The following WDR26 variants were observed in gnomAD, a reference collection of about 807,000 sequenced individuals.
WDR26 encodes WD repeat-containing protein 26.
WDR26 carries 5 observed loss-of-function variants against 84.1 expected under a neutral mutation model. The ratio of observed to expected loss-of-function variants is 0.06; its 90% CI spans 0.03 to 0.13. WDR26 has a LOEUF of 0.13. Ranked by LOEUF, WDR26 falls within the 10% of genes least tolerant of loss-of-function variation. WDR26 has a pLI of 1.00. For missense variants in WDR26, 642 were observed against 974.9 expected, an observed-to-expected ratio of 0.66 and a Z score of 4.55; for synonymous variants, 415 against 389.6, an observed-to-expected ratio of 1.07 and a Z score of -0.77.
At chr1:224,419,065 C>T (rs770640139) in intron 5 of WDR26, among the ~76,000 whole-genome samples, 5 of 152,152 alleles carry the variant, frequency 3.3e-5, no homozygotes, top group Non-Finnish European at 5.9e-5. Context: ...TCAGAGAGAA[C>T]ATCTTTTACA....
chr1:224,416,511 C>T (rs1299482083), intron 6 of WDR26, among the ~76,000 whole-genome samples: 1 of 152,224 alleles, frequency 6.6e-6, no homozygotes, highest in Non-Finnish European at 1.5e-5. Context: ...CAGGCGTGAG[C>T]CACCACACCC....
intron 12 of WDR26, among the ~76,000 whole-genome samples, chr1:224,397,393 G>C (rs1420486889): frequency 6.6e-6 from 1 of 152,208 alleles, no homozygotes; most frequent in African/African-American, 2.4e-5. Context: ...TTTGCCACTA[G>C]TTAAGTTCCT....
intron 9 of WDR26, 100 bp from the exon 10 acceptor site, chr1:224,399,134 G>GA: frequency 1.1e-6 from 1 of 939,922 alleles, no homozygotes; most frequent in African/African-American, 1.8e-5. Context: ...TTAGTAACAG[G>GA]TTTTTTTTTT....
chr1:224,416,243 T>TC (rs1464488107), intron 6 of WDR26, among the ~76,000 whole-genome samples: 48 of 152,086 alleles, frequency 3.2e-4, no homozygotes, highest in Non-Finnish European at 2.9e-5. Flanking sequence ...TTTTTTTTTT[T>TC]CTGAGATGAA....
intron 6 of WDR26, among the ~76,000 whole-genome samples, chr1:224,414,542 G>T (rs904757439): frequency 6.6e-6 from 1 of 151,856 alleles, no homozygotes; most frequent in Non-Finnish European, 1.5e-5. Context: ...GAAAAAAGCG[G>T]GTATTTAATT....
rs1673192001 is a variant in WDR26, at chr1:224,393,967, C to T, written c.2121G>A (p.Ala707=). 5.8e-6 allele frequency: 9 copies of T among 1,545,860 alleles called. No individual in the cohort carries two copies. The highest frequency in any genetic ancestry group is 1.2e-5 in the South Asian group (1 of 84,398). The change falls in exon 13 of 14, where the codon GCG becomes GCA. Residue 707 remains alanine (A), a synonymous_variant. Coordinates refer to ENST00000414423, the MANE Select transcript of WDR26 (RefSeq NM_001379403.1). ...CTGTACGTGTGTGCCCTGTCAGCTCCGCAATTGGCAGTTCACTACGTTTGT... is the reference window on the plus strand; with the variant it reads ...CTGTACGTGTGTGCCCTGTCAGCTCTGCAATTGGCAGTTCACTACGTTTGT...
intron 12 of WDR26, chr1:224,397,847 G>A (rs960181352): frequency 1.1e-5 from 5 of 448,566 alleles, no homozygotes; most frequent in East Asian, 9.4e-5. Context: ...CTGCTAATCC[G>A]TGACAATACA....
At chr1:224,428,838 A>G (rs1258683048) in intron 3 of WDR26, among the ~76,000 whole-genome samples, 2 of 151,566 alleles carry the variant, frequency 1.3e-5, no homozygotes, top group African/African-American at 4.9e-5. Flanking sequence ...CCCCGGAGGC[A>G]GAGGTCGCAG....
At chr1:224,424,714 T>A in intron 3 of WDR26, 60 bp from the exon 4 acceptor site, 1 of 1,610,830 alleles carries the variant, frequency 6.2e-7, no homozygotes, top group Non-Finnish European at 8.5e-7. Flanking sequence ...CAGAAAATGT[T>A]TGTGCCTAAA....
intron 1 of WDR26, among the ~76,000 whole-genome samples, chr1:224,432,979 T>C (rs937384771): frequency 6.6e-6 from 1 of 152,230 alleles, no homozygotes; most frequent in African/African-American, 2.4e-5. Flanking sequence ...CCAGATCAGA[T>C]GTCCCCTTTT....
intron 4 of WDR26, among the ~76,000 whole-genome samples, chr1:224,423,706 C>G (rs996419120): frequency 2.6e-5 from 4 of 152,152 alleles, no homozygotes; most frequent in Non-Finnish European, 5.9e-5. Flanking sequence ...TATGATTGTG[C>G]CACTGCACAC....
intron 3 of WDR26, among the ~76,000 whole-genome samples, chr1:224,427,218 G>C (rs774977979): frequency 6.6e-6 from 1 of 151,138 alleles, no homozygotes; most frequent in Non-Finnish European, 1.5e-5. Context: ...ACATGGAACT[G>C]GCCAGAGCAT....
chr1:224,395,731 A>G (rs770944810), intron 12 of WDR26, among the ~76,000 whole-genome samples: 9 of 152,324 alleles, frequency 5.9e-5, no homozygotes, highest in South Asian at 4.1e-4. Flanking sequence ...TTTGGTGGAA[A>G]ATGTTTTTGT....
chr1:224,425,043 C>G lies in WDR26; in HGVS notation c.928-389G>C, dbSNP rs1482582792. Among the ~76,000 whole-genome samples the G allele has an allele frequency of 3.9e-5, 6 of 152,114 alleles. No homozygotes were observed. In the East Asian group the frequency reaches 1.2e-3, roughly 29 times the overall value. Reference sequence around the variant, plus strand: ...AAGAAGTATGACTTTATAACTAGGGCACTGGGGGGTTTTATGCAACAAGTT... The same window carrying G: ...AAGAAGTATGACTTTATAACTAGGGGACTGGGGGGTTTTATGCAACAAGTT... On this transcript the variant is annotated intron_variant, in intron 3 of 13. Coordinates refer to ENST00000414423, the MANE Select transcript of WDR26 (RefSeq NM_001379403.1).
chr1:224,394,702 A>G (rs1273323257), intron 12 of WDR26, among the ~76,000 whole-genome samples: 3 of 151,926 alleles, frequency 2.0e-5, no homozygotes, highest in Admixed American at 2.0e-4. Flanking sequence ...GATGGGGTTT[A>G]GCCACGATGG....
intron 8 of WDR26, among the ~76,000 whole-genome samples, chr1:224,401,334 C>T (rs767527738): frequency 2.6e-5 from 4 of 152,128 alleles, no homozygotes; most frequent in Non-Finnish European, 5.9e-5. Flanking sequence ...AATCTCTCAT[C>T]GCAAATCAAT....
chr1:224,414,025 T>C (rs151138838), intron 6 of WDR26, among the ~76,000 whole-genome samples: 1,522 of 152,004 alleles, frequency 0.01, 21 homozygotes, highest in African/African-American at 0.035. Flanking sequence ...TTGGCCAGGC[T>C]GGTCTCGAAC....
intron 12 of WDR26, among the ~76,000 whole-genome samples, chr1:224,396,727 G>C (rs1403407077): frequency 6.6e-6 from 1 of 152,134 alleles, no homozygotes; most frequent in Non-Finnish European, 1.5e-5. Flanking sequence ...AGGAGGCTGA[G>C]GCAGGTAGAC....
chr1:224,426,709 A>G (rs569900712), intron 3 of WDR26, among the ~76,000 whole-genome samples: 1 of 151,992 alleles, frequency 6.6e-6, no homozygotes, highest in Non-Finnish European at 1.5e-5. Flanking sequence ...TTATATTTGA[A>G]GTTATTCTGG....
Sources: gnomAD v4.1 joint callset for allele counts (sites outside exome capture counted in the v4.1 genomes callset) on GRCh38, gnomAD v4.1.1 for gene constraint, MANE v1.5 for transcripts, NCBI Gene and HGNC (gene_info 2026-07-23, HGNC 2026-07-21) for gene names.